RIMS1: variants seen among roughly 807,000 people sequenced by gnomAD.
The protein encoded by RIMS1 is regulating synaptic membrane exocytosis 1, also known as regulating synaptic membrane exocytosis protein 1.
In RIMS1, 83 loss-of-function variants were observed where a neutral mutation model predicts 214.1. The observed-to-expected ratio is 0.39, with a 90% CI of 0.32 to 0.47. The LOEUF (loss-of-function observed/expected upper bound fraction) is 0.47, where lower values mean the gene tolerates loss of function less well. RIMS1 is among the 20% of genes least tolerant of loss of function. The pLI, the probability that RIMS1 is intolerant of heterozygous loss-of-function variation, is 0.99. For missense variants in RIMS1, 2,050 were observed against 2,161.8 expected, an observed-to-expected ratio of 0.95 and a Z score of 1.03; for synonymous variants, 793 against 786.8, an observed-to-expected ratio of 1.01 and a Z score of -0.13.
rs1811052303 is a variant in RIMS1 at position 72,012,384 on chromosome 6, A to G, written c.245+43321A>G. Among the ~76,000 whole-genome samples the G allele has an allele frequency of 2.0e-5, 3 of 152,118 alleles. No individual in the cohort carries two copies. In the South Asian group the frequency reaches 6.2e-4, roughly 31 times the overall value. On this transcript the variant is annotated intron_variant, in intron 2 of 33. Coordinates refer to ENST00000521978, the MANE Select transcript of RIMS1 (RefSeq NM_014989.7). ...TTAGGAGATATACCTAATGTAAATG[A>G]CGAGTTAATGGGTGCAGCACACTAA...
At chr6:72,119,149 C>T (rs1008452141) in intron 4 of RIMS1, among the ~76,000 whole-genome samples, 34 of 151,698 alleles carry the variant, frequency 2.2e-4, no homozygotes, top group South Asian at 4.2e-4. Context: ...AATAAATGTA[C>T]ACAAATCAGT....
At position 71,944,812 on chromosome 6, in the gene RIMS1, A is replaced by G. The variant is rs142486141; in HGVS notation, c.165-24171A>G. Among the ~76,000 whole-genome samples the G allele has an allele frequency of 4.4e-3, 663 of 152,326 alleles. 5 individuals carry two copies. The highest frequency in any genetic ancestry group is 0.014 in the African/African-American group (568 of 41,576). On this transcript the variant is annotated intron_variant, in intron 1 of 33. Coordinates refer to ENST00000521978, the MANE Select transcript of RIMS1 (RefSeq NM_014989.7). ...CAATGTATGCACTGGCATTCAGATC[A>G]TACATTGATATTTATCTAGATTATA...
At chr6:71,933,717 CAA>C (rs1491034274) in intron 1 of RIMS1, among the ~76,000 whole-genome samples, 1 of 149,298 alleles carries the variant, frequency 6.7e-6, no homozygotes, top group Non-Finnish European at 1.5e-5. Context: ...CACACACACA[CAA>C]GTTGTATTAA....
chr6:72,266,163 T>C, intron 22 of RIMS1, 114 bp downstream of exon 22: 3 of 779,764 alleles, frequency 3.8e-6, no homozygotes, highest in Middle Eastern at 3.3e-4. Flanking sequence ...TATACTTTGC[T>C]AACTGTCTAC....
At chr6:72,289,895 G>A (rs1369269824) in intron 24 of RIMS1, among the ~76,000 whole-genome samples, 2 of 151,736 alleles carry the variant, frequency 1.3e-5, no homozygotes, top group Non-Finnish European at 2.9e-5. Context: ...AAAGGCAAAA[G>A]CATGCATTAA....
intron 15 of RIMS1, among the ~76,000 whole-genome samples, chr6:72,252,154 T>C (rs2073690469): frequency 6.6e-6 from 1 of 152,222 alleles, no homozygotes. Flanking sequence ...TAACTACATT[T>C]CTAAGTTAAC....
chr6:72,279,153 G>A (rs1454037295), intron 23 of RIMS1, among the ~76,000 whole-genome samples: 3 of 151,616 alleles, frequency 2.0e-5, no homozygotes, highest in South Asian at 2.1e-4. Context: ...ATTTACCAAC[G>A]TCTTTAGAGA....
At chr6:72,054,404 T>C (rs540536909) in intron 2 of RIMS1, among the ~76,000 whole-genome samples, 1 of 152,328 alleles carries the variant, frequency 6.6e-6, no homozygotes, top group Admixed American at 6.5e-5. Flanking sequence ...CATGTGTCTT[T>C]ATAGTAGAAT....
chr6:72,027,865 T>G (rs1816984464), intron 2 of RIMS1, among the ~76,000 whole-genome samples: 1 of 152,178 alleles, frequency 6.6e-6, no homozygotes, highest in Non-Finnish European at 1.5e-5. Flanking sequence ...TAGATTTTCA[T>G]GGTAGCATCA....
intron 2 of RIMS1, among the ~76,000 whole-genome samples, chr6:72,084,891 C>A (rs1373333214): frequency 6.6e-6 from 1 of 151,988 alleles, no homozygotes; most frequent in Non-Finnish European, 1.5e-5. Context: ...AAACTACCAA[C>A]AATAGAAAAA....
intron 1 of RIMS1, among the ~76,000 whole-genome samples, chr6:71,939,237 T>G (rs1381296937): frequency 6.6e-6 from 1 of 152,222 alleles, no homozygotes; most frequent in Non-Finnish European, 1.5e-5. Flanking sequence ...CTTTCCATAC[T>G]TCTATCAACA....
chr6:72,096,191 T>C (rs1050295395), intron 2 of RIMS1, among the ~76,000 whole-genome samples: 3 of 152,348 alleles, frequency 2.0e-5, no homozygotes, highest in South Asian at 2.1e-4. Flanking sequence ...GCAAGCTTCA[T>C]ACATATTACC....
intron 4 of RIMS1, among the ~76,000 whole-genome samples, chr6:72,167,323 G>T (rs1262616504): frequency 6.6e-6 from 1 of 151,752 alleles, no homozygotes; most frequent in East Asian, 1.9e-4. Flanking sequence ...AAGTTTGGTA[G>T]TTTTTTTCTT....
At chr6:72,119,748 C>T (rs145977629) in intron 4 of RIMS1, among the ~76,000 whole-genome samples, 1 of 151,756 alleles carries the variant, frequency 6.6e-6, no homozygotes, top group East Asian at 1.9e-4. Context: ...TGGTGTGCTG[C>T]ACCCATTAAC....
At chr6:72,236,525 C>T (rs996046501) in intron 8 of RIMS1, among the ~76,000 whole-genome samples, 2 of 152,100 alleles carry the variant, frequency 1.3e-5, no homozygotes, top group Non-Finnish European at 2.9e-5. Context: ...AATAATTCAA[C>T]TGGTACACAT....
chr6:72,295,808 A>G (rs1040780546), intron 26 of RIMS1: 1 of 153,728 alleles, frequency 6.5e-6, no homozygotes, highest in Middle Eastern at 1.5e-3. Flanking sequence ...GCAATTTATC[A>G]TGTCACATTA....
intron 2 of RIMS1, among the ~76,000 whole-genome samples, chr6:72,092,526 C>T (rs1030500611): frequency 2.0e-5 from 3 of 151,904 alleles, no homozygotes; most frequent in Admixed American, 6.6e-5. Flanking sequence ...CATTATACTC[C>T]CTACTGGGAC....
intron 9 of RIMS1, 115 bp downstream of exon 9, chr6:72,238,037 GTATA>G: frequency 3.9e-6 from 2 of 510,178 alleles, no homozygotes; most frequent in Non-Finnish European, 3.4e-6. Context: ...ATGTATGTAT[GTATA>G]TATCAATTAA....
intron 10 of RIMS1, 85 bp downstream of exon 10, chr6:72,242,522 G>A (rs2067386970): frequency 2.1e-6 from 2 of 942,164 alleles, no homozygotes; most frequent in African/African-American, 1.7e-5. Context: ...CATTCATACA[G>A]TACATGTTAA....
Sources: gnomAD v4.1 joint callset for allele counts (sites outside exome capture counted in the v4.1 genomes callset) on GRCh38, gnomAD v4.1.1 for gene constraint, MANE v1.5 for transcripts, NCBI Gene and HGNC (gene_info 2026-07-23, HGNC 2026-07-21) for gene names.